Variants in CAMK1D observed in about 807,000 individuals in gnomAD.
CAMK1D encodes the protein calcium/calmodulin-dependent protein kinase type 1D.
CAMK1D carries 9 observed loss-of-function variants against 47.7 expected under a neutral mutation model. The observed-to-expected ratio is 0.19, with a 90% CI of 0.11 to 0.33. The LOEUF (loss-of-function observed/expected upper bound fraction) is 0.33, where lower values mean the gene tolerates loss of function less well. Among genes scored for constraint, CAMK1D ranks in the 10% least tolerant of loss-of-function variants. The pLI is 1.00. For synonymous variants in CAMK1D, 184 were observed against 184.9 expected, an observed-to-expected ratio of 0.99 and a Z score of 0.04; for missense variants, 291 against 488.7, an observed-to-expected ratio of 0.60 and a Z score of 3.81.
intron 8 of CAMK1D, among the ~76,000 whole-genome samples, chr10:12,816,939 A>G (rs1230494469): frequency 6.6e-6 from 1 of 151,370 alleles, no homozygotes; most frequent in Non-Finnish European, 1.5e-5. Flanking sequence ...AGGAGGTTTC[A>G]TTGGACTCAC....
intron 5 of CAMK1D, among the ~76,000 whole-genome samples, chr10:12,782,557 TTC>T (rs1394536073): frequency 6.6e-6 from 1 of 152,214 alleles, no homozygotes; most frequent in Non-Finnish European, 1.5e-5. Flanking sequence ...TTCTCGTGTC[TTC>T]TCTGATACGC....
chr10:12,621,681 G>A (rs1299784891), intron 2 of CAMK1D, among the ~76,000 whole-genome samples: 1 of 152,104 alleles, frequency 6.6e-6, no homozygotes, highest in African/African-American at 2.4e-5. Flanking sequence ...TTGAGTGATT[G>A]TAAATGGCTT....
intron 1 of CAMK1D, among the ~76,000 whole-genome samples, chr10:12,375,726 T>A (rs1035162899): frequency 6.6e-6 from 1 of 152,232 alleles, no homozygotes; most frequent in Non-Finnish European, 1.5e-5. Context: ...CGTTGGGGTT[T>A]CCTCCTCTCA....
intron 1 of CAMK1D, among the ~76,000 whole-genome samples, chr10:12,403,502 A>T (rs549870591): frequency 4.6e-5 from 7 of 152,300 alleles, no homozygotes; most frequent in African/African-American, 1.7e-4. Flanking sequence ...GGCACTCAAA[A>T]AATTGTCTCT....
intron 1 of CAMK1D, among the ~76,000 whole-genome samples, chr10:12,458,916 T>C (rs1206750499): frequency 1.3e-5 from 2 of 151,142 alleles, no homozygotes; most frequent in Admixed American, 1.3e-4. Flanking sequence ...TCTCGCTCTG[T>C]TGCCCAGGCT....
At chr10:12,355,409 G>C (rs892110059) in intron 1 of CAMK1D, among the ~76,000 whole-genome samples, 29 of 152,158 alleles carry the variant, frequency 1.9e-4, no homozygotes, top group African/African-American at 6.8e-4. Context: ...TGAAAGTCCA[G>C]ATGGAAAACA....
intron 3 of CAMK1D, among the ~76,000 whole-genome samples, chr10:12,735,501 C>CT (rs886995865): frequency 1.3e-5 from 2 of 152,248 alleles, no homozygotes; most frequent in African/African-American, 4.8e-5. Flanking sequence ...AAGAAAGTAT[C>CT]TTTTTTTCAA....
chr10:12,465,157 A>G (rs1343900940), intron 1 of CAMK1D, among the ~76,000 whole-genome samples: 1 of 152,202 alleles, frequency 6.6e-6, no homozygotes, highest in South Asian at 2.1e-4. Flanking sequence ...ATAGTGGGGC[A>G]GCATTTCTTT....
chr10:12,662,313 G>T (rs1213501758), intron 2 of CAMK1D, among the ~76,000 whole-genome samples: 1 of 152,168 alleles, frequency 6.6e-6, no homozygotes, highest in Non-Finnish European at 1.5e-5. Context: ...ATTTAATGAA[G>T]CTAAAGGTGA....
At chr10:12,421,984 T>A (rs1256469271) in intron 1 of CAMK1D, among the ~76,000 whole-genome samples, 3 of 152,062 alleles carry the variant, frequency 2.0e-5, no homozygotes, top group African/African-American at 7.2e-5. Flanking sequence ...GCCTGGCTAA[T>A]TTTTAGTAGA....
intron 3 of CAMK1D, among the ~76,000 whole-genome samples, chr10:12,695,726 A>T (rs1396368823): frequency 6.6e-6 from 1 of 152,086 alleles, no homozygotes; most frequent in Non-Finnish European, 1.5e-5. Context: ...AGTCCCACCC[A>T]GCTTTTAAAT....
intron 2 of CAMK1D, among the ~76,000 whole-genome samples, chr10:12,564,547 C>G (rs895909367): frequency 6.6e-6 from 1 of 152,082 alleles, no homozygotes; most frequent in Non-Finnish European, 1.5e-5. Context: ...AACTGTTTTT[C>G]TCAAAGCTTA....
In CAMK1D at chr10:12,695,055, GATA is replaced by G. The variant is rs1564499837; in HGVS notation, c.299+28246_299+28248del. On this transcript the variant is annotated intron_variant, in intron 3 of 10. Transcript: ENST00000619168. ...AGATAGATAGATAGATAGATAGATA[GATA>G]GATAGATACATAGGTAGATACATAG... Among the ~76,000 whole-genome samples the G allele has an allele frequency of 4.9e-3, 185 of 37,628 alleles. 3 individuals carry two copies. Among genetic ancestry groups the G allele is most frequent in the East Asian group, 0.04 (57 of 1,422 alleles). 24.7% of individuals were successfully genotyped at this position (37,628 alleles called of 152,430 possible). A position where few individuals can be genotyped will look rare whatever the true frequency, so the allele number is the denominator to read the frequency against.
intron 1 of CAMK1D, among the ~76,000 whole-genome samples, chr10:12,376,479 TCCA>T (rs1373155961): frequency 2.0e-5 from 3 of 152,098 alleles, no homozygotes; most frequent in African/African-American, 7.2e-5. Flanking sequence ...CCTGGGAAAC[TCCA>T]CCACCGGCCA....
intron 3 of CAMK1D, among the ~76,000 whole-genome samples, chr10:12,697,913 C>T (rs1419720283): frequency 6.6e-6 from 1 of 152,130 alleles, no homozygotes; most frequent in East Asian, 1.9e-4. Flanking sequence ...GGAAGGCGGC[C>T]TCCTGCAGGA....
intron 2 of CAMK1D, among the ~76,000 whole-genome samples, chr10:12,662,966 CGTTTTT>C (rs1441664379): frequency 6.6e-6 from 1 of 151,834 alleles, no homozygotes; most frequent in African/African-American, 2.4e-5. Context: ...TTTTTGTTTT[CGTTTTT>C]GTTTTTGAGA....
chr10:12,450,667 G>C (rs1833057471), intron 1 of CAMK1D, among the ~76,000 whole-genome samples: 1 of 152,208 alleles, frequency 6.6e-6, no homozygotes. Context: ...CAGCAGGTTT[G>C]AGGTCTTGTA....
At chr10:12,415,049 G>A (rs571283681) in intron 1 of CAMK1D, among the ~76,000 whole-genome samples, 1 of 152,098 alleles carries the variant, frequency 6.6e-6, no homozygotes, top group East Asian at 1.9e-4. Flanking sequence ...ACCTTCCCAT[G>A]TTTATAGATT....
chr10:12,759,269 G>A (rs567223623), intron 3 of CAMK1D, among the ~76,000 whole-genome samples: 15 of 152,272 alleles, frequency 9.9e-5, no homozygotes, highest in East Asian at 3.9e-4. Context: ...TGGGAGGATC[G>A]CTTAAGCCCT....
Sources: allele counts gnomAD v4.1 joint callset (sites outside exome capture counted in the v4.1 genomes callset), GRCh38; gene constraint gnomAD v4.1.1; transcripts MANE v1.5; gene names NCBI Gene and HGNC (gene_info 2026-07-23, HGNC 2026-07-21).